The following CCND3 variants were observed in gnomAD, a reference collection of about 807,000 sequenced individuals.
CCND3 encodes cyclin D3.
Under a neutral mutation model 28.7 loss-of-function variants are expected in CCND3, and 9 were observed. That is an observed-to-expected ratio of 0.31 (90% CI 0.19 to 0.55). The LOEUF (loss-of-function observed/expected upper bound fraction) is 0.55. Among genes scored for constraint, CCND3 ranks in the 20% least tolerant of loss-of-function variants. CCND3 has a pLI of 0.93. For synonymous variants in CCND3, 164 were observed against 163.9 expected (o/e 1.00, Z 0.00); for missense variants, 315 against 385.8 (o/e 0.82, Z 1.54).
At chr6:41,993,983 G>C (rs1762728335) in intron 1 of CCND3, among the ~76,000 whole-genome samples, 3 of 143,056 alleles carry the variant, frequency 2.1e-5, no homozygotes, top group African/African-American at 8.1e-5. Flanking sequence ...GCCATGAAAA[G>C]ACATAGAGAA....
At chr6:42,025,614 C>T (rs1033766207) in intron 1 of CCND3, among the ~76,000 whole-genome samples, 3 of 152,306 alleles carry the variant, frequency 2.0e-5, no homozygotes, top group East Asian at 1.9e-4. Context: ...CCCTCCCCTC[C>T]GGCACTCTGG....
At chr6:41,987,509 CTCTCTCTCTGTGTG>C (rs1231729749) in intron 1 of CCND3, among the ~76,000 whole-genome samples, 8,515 of 67,474 alleles carry the variant, frequency 0.13, 310 homozygotes, top group East Asian at 0.34. Flanking sequence ...CTCTCTCTCT[CTCTCTCTCTGTGTG>C]TGTGTGTGTG....
At chr6:41,981,358 C>T (rs1480020845) in intron 1 of CCND3, among the ~76,000 whole-genome samples, 20 of 151,916 alleles carry the variant, frequency 1.3e-4, no homozygotes, top group Admixed American at 1.3e-3. Flanking sequence ...GCACCCACCA[C>T]CATCCCTGGC....
At chr6:41,983,650 G>C (rs1762407489) in intron 1 of CCND3, among the ~76,000 whole-genome samples, 1 of 151,978 alleles carries the variant, frequency 6.6e-6, no homozygotes, top group Non-Finnish European at 1.5e-5. Flanking sequence ...GACCCGCCTG[G>C]GCAACATGGT....
chr6:41,956,966 A>G (rs531667801), intron 1 of CCND3, among the ~76,000 whole-genome samples: 2 of 152,190 alleles, frequency 1.3e-5, no homozygotes, highest in African/African-American at 4.8e-5. Context: ...GGGAGGCGGA[A>G]CTTGCAGTGA....
At chr6:41,966,909 A>C (rs4607432) in intron 1 of CCND3, among the ~76,000 whole-genome samples, 28,442 of 152,146 alleles carry the variant, frequency 0.19, 3,202 homozygotes, top group Non-Finnish European at 0.25. Context: ...GAACAAATGG[A>C]AAGAGAAGTT....
At chr6:42,039,833 C>T (rs4481419) in intron 1 of CCND3, among the ~76,000 whole-genome samples, 95,499 of 152,094 alleles carry the variant, frequency 0.63, 31,017 homozygotes, top group East Asian at 0.98. Context: ...CCCTTGCTCC[C>T]TCCCTTCCAC....
chr6:41,955,387 G>A (rs986522159), intron 1 of CCND3, among the ~76,000 whole-genome samples: 1 of 151,968 alleles, frequency 6.6e-6, no homozygotes, highest in Non-Finnish European at 1.5e-5. Flanking sequence ...TGCATGGTTA[G>A]TTTATTATTT....
intron 1 of CCND3, among the ~76,000 whole-genome samples, chr6:41,989,458 A>C (rs1308483931): frequency 1.4e-5 from 2 of 147,254 alleles, no homozygotes; most frequent in African/African-American, 5.0e-5. Flanking sequence ...CTGTCTCAAA[A>C]AAAAAAAACA....
At chr6:41,967,008 CA>C (rs923978584) in intron 1 of CCND3, among the ~76,000 whole-genome samples, 1 of 152,136 alleles carries the variant, frequency 6.6e-6, no homozygotes, top group Non-Finnish European at 1.5e-5. Context: ...TGCTTTGTGT[CA>C]GGCCTTGTTT....
chr6:41,947,901 G>C (rs1031930671), intron 1 of CCND3, among the ~76,000 whole-genome samples: 1 of 151,952 alleles, frequency 6.6e-6, no homozygotes, highest in African/African-American at 2.4e-5. Context: ...ATTTCATTTG[G>C]AGTGACTGCC....
chr6:42,037,037 C>T (rs1764239303), intron 1 of CCND3, among the ~76,000 whole-genome samples: 3 of 152,098 alleles, frequency 2.0e-5, no homozygotes, highest in Admixed American at 6.6e-5. Flanking sequence ...CTCTCGGGTT[C>T]ACGCCATTCT....
intron 1 of CCND3, among the ~76,000 whole-genome samples, chr6:42,031,542 C>G (rs1203263281): frequency 2.0e-5 from 3 of 152,116 alleles, no homozygotes; most frequent in African/African-American, 7.2e-5. Flanking sequence ...GACTAATTTT[C>G]CAAATACTTA....
At chr6:42,034,564 G>A (rs1487824003) in intron 1 of CCND3, among the ~76,000 whole-genome samples, 1 of 122,894 alleles carries the variant, frequency 8.1e-6, no homozygotes, top group Non-Finnish European at 1.6e-5. Context: ...TGCAACCTCC[G>A]CCTCCCAGGT....
chr6:42,047,748 G>A (rs1369462847), intron 1 of CCND3, among the ~76,000 whole-genome samples: 2 of 152,194 alleles, frequency 1.3e-5, no homozygotes, highest in African/African-American at 4.8e-5. Context: ...CACAGCTGGG[G>A]TTCAATCCAG....
At position 41,987,511 on chromosome 6, in the gene CCND3, CTCTCTCTG is replaced by C. The variant is rs1281256898; in HGVS notation, c.-45-46934_-45-46927del. Reference sequence around the variant, plus strand: ...TCTCTCTCTCTCTCTCTCTCTCTCTCTCTCTCTGTGTGTGTGTGTGTGTGTGTGTGTGT... The same window carrying C: ...TCTCTCTCTCTCTCTCTCTCTCTCTCTGTGTGTGTGTGTGTGTGTGTGTGT... On this transcript the variant is annotated intron_variant, in intron 1 of 4. Transcript: ENST00000372988. Among the ~76,000 whole-genome samples the C allele has an allele frequency of 7.4e-4, 32 of 43,534 alleles. 1 individual carries two copies. The highest frequency in any genetic ancestry group is 5.2e-3 in the African/African-American group (25 of 4,852). The allele number at this position is 43,534 out of a possible 152,430, so 28.6% of individuals were successfully genotyped here. A position where few individuals can be genotyped will look rare whatever the true frequency, so the allele number is the denominator to read the frequency against.
At chr6:42,034,217 G>T (rs980353990) in intron 1 of CCND3, among the ~76,000 whole-genome samples, 2 of 150,042 alleles carry the variant, frequency 1.3e-5, no homozygotes, top group African/African-American at 2.5e-5. Context: ...GTGCGATCTC[G>T]GCTCACTGCA....
At chr6:41,989,675 A>G (rs1041084083) in intron 1 of CCND3, among the ~76,000 whole-genome samples, 1 of 152,168 alleles carries the variant, frequency 6.6e-6, no homozygotes, top group Admixed American at 6.6e-5. Flanking sequence ...ACATTGGCAT[A>G]TCAAGTGCTG....
At chr6:41,987,503 CTCTCTCTCTCTCTCTG>C (rs1229169534) in intron 1 of CCND3, among the ~76,000 whole-genome samples, 4,567 of 105,428 alleles carry the variant, frequency 0.043, 79 homozygotes, top group Non-Finnish European at 0.049. Context: ...CTCTCTCTCT[CTCTCTCTCTCTCTCTG>C]TGTGTGTGTG....
Sources: allele counts gnomAD v4.1 joint callset (sites outside exome capture counted in the v4.1 genomes callset), GRCh38; gene constraint gnomAD v4.1.1; transcripts MANE v1.5; gene names NCBI Gene and HGNC (gene_info 2026-07-23, HGNC 2026-07-21).